The following MAPK11 variants were observed in gnomAD, a reference collection of about 807,000 sequenced individuals.
MAPK11 encodes the protein MAP kinase 11.
MAPK11 carries 44 observed loss-of-function variants against 52.2 expected under a neutral mutation model. That is an observed-to-expected ratio of 0.84 (90% confidence interval 0.66 to 1.08). The LOEUF is 1.08. Ranked by LOEUF, MAPK11 falls within the 50% of genes least tolerant of loss-of-function variation. The pLI is 0.00. For missense variants in MAPK11, 436 were observed against 494.7 expected, an observed-to-expected ratio of 0.88 and a Z score of 1.13; for synonymous variants, 233 against 206.3, an observed-to-expected ratio of 1.13 and a Z score of -1.11.
chr22:50,269,553 C>T (rs2065291598), intron 1 of MAPK11, among the ~76,000 whole-genome samples: 2 of 152,258 alleles, frequency 1.3e-5, no homozygotes, highest in South Asian at 4.1e-4. Context: ...CCCTCCAGCC[C>T]TGGCTACCCG....
At position 50,266,287 on chromosome 22, in the gene MAPK11, C is replaced by A. The variant is rs200495263; in HGVS notation, c.701G>T (p.Arg234Leu). ...GGGTGTGCCCACCACTTCCATGATG[C>A]GCTTCAGCTGGTCAATGTCTGTGTC... is the stretch of plus-strand genomic sequence containing the variant. ...PGSDYIDQLKRIMEVVGTPSP... is the reference protein window; with the variant it reads ...PGSDYIDQLKLIMEVVGTPSP... Residue 234 changes from arginine to leucine, a missense_variant, in exon 9 of 12, where the codon CGC becomes CTC. Transcript: ENST00000330651. 5 of 1,607,628 alleles carry A rather than the reference C, an allele frequency of 3.1e-6. No homozygotes were observed. Among genetic ancestry groups the A allele is most frequent in the Non-Finnish European group, 2.5e-6 (3 of 1,177,228 alleles).
rs2065253413 is a variant in MAPK11, at chr22:50,265,313, A to G, written c.1015+8T>C. On this transcript the variant is annotated splice_region_variant and intron_variant, in intron 11 of 11. Transcript: ENST00000330651. Reference sequence around the variant, plus strand: ...CCTGGACCCACCCCCAGCCACTGCCATGCTCACCCTTCCACTCCTCCAGCG... The same window carrying G: ...CCTGGACCCACCCCCAGCCACTGCCGTGCTCACCCTTCCACTCCTCCAGCG... 5.0e-6 allele frequency: 8 copies of G among 1,612,350 alleles called. No homozygotes were observed. Among genetic ancestry groups the G allele is most frequent in the Non-Finnish European group, 6.8e-6 (8 of 1,179,724 alleles).
At chr22:50,269,913 C>A (rs1478156658) in intron 1 of MAPK11, among the ~76,000 whole-genome samples, 1 of 152,062 alleles carries the variant, frequency 6.6e-6, no homozygotes, top group South Asian at 2.1e-4. Flanking sequence ...GCTGTGACCT[C>A]CCAGGCCTCA....
intron 1 of MAPK11, among the ~76,000 whole-genome samples, chr22:50,269,434 G>T (rs1232703027): frequency 6.6e-6 from 1 of 152,220 alleles, no homozygotes; most frequent in African/African-American, 2.4e-5. Context: ...AGCGGCATTG[G>T]CCATGGTGAG....
intron 1 of MAPK11, 38 bp from the exon 2 acceptor site, chr22:50,267,987 C>T: frequency 6.7e-7 from 1 of 1,499,276 alleles, no homozygotes; most frequent in Non-Finnish European, 8.9e-7. Flanking sequence ...CGGGAGGGGT[C>T]CGAGGGCGGC....
At chr22:50,268,762 G>GT (rs2065285963) in intron 1 of MAPK11, among the ~76,000 whole-genome samples, 1 of 152,224 alleles carries the variant, frequency 6.6e-6, no homozygotes, top group African/African-American at 2.4e-5. Flanking sequence ...CTCAGAGCAA[G>GT]TGGAGGCTGA....
Position 50,265,678 on chromosome 22 carries a change from C to G in MAPK11, c.763-18G>C, listed in dbSNP as rs745927752. The G allele has an allele frequency of 6.7e-7, 1 of 1,488,744 alleles. No individual in the cohort carries two copies. The highest frequency in any genetic ancestry group is 9.1e-7 in the Non-Finnish European group (1 of 1,094,544). 92.2% of individuals were successfully genotyped at this position (1,488,744 alleles called of 1,614,324 possible). A position where few individuals can be genotyped will look rare whatever the true frequency, so the allele number is the denominator to read the frequency against. On this transcript the variant is annotated intron_variant, in intron 9 of 11. Transcript: ENST00000330651. ...GTCCGGGCCTGGGGGCACACAAGAACACCTGGGGAGGCTGCTCACTCTCTG... is the reference window on the plus strand; with the variant it reads ...GTCCGGGCCTGGGGGCACACAAGAAGACCTGGGGAGGCTGCTCACTCTCTG...
intron 1 of MAPK11, among the ~76,000 whole-genome samples, chr22:50,268,316 C>T (rs1177205235): frequency 6.6e-6 from 1 of 152,234 alleles, no homozygotes; most frequent in Non-Finnish European, 1.5e-5. Flanking sequence ...CTGGCATTCA[C>T]CTGCAGCAGA....
chr22:50,266,672 C>T, intron 7 of MAPK11, 61 bp from the exon 8 acceptor site: 2 of 1,495,014 alleles, frequency 1.3e-6, no homozygotes, highest in African/African-American at 1.4e-5. Context: ...CTCCAGGAGA[C>T]CCACAGTCAC....
chr22:50,265,748 C>G, intron 9 of MAPK11, 88 bp from the exon 10 acceptor site: 1 of 791,536 alleles, frequency 1.3e-6, no homozygotes, highest in Non-Finnish European at 2.1e-6. Flanking sequence ...AGCCCCCAGA[C>G]TCATTCACTC....
intron 4 of MAPK11, 27 bp from the exon 5 acceptor site, chr22:50,267,313 C>T: frequency 6.3e-7 from 1 of 1,590,228 alleles, no homozygotes; most frequent in Non-Finnish European, 8.5e-7. Flanking sequence ...GTGGTGAGCG[C>T]CGGGCCCGGC....
Position 50,265,576 on chromosome 22 carries a change from C to T in MAPK11, c.841+6G>A, listed in dbSNP as rs201929434. ...GGAGCCCAGTCTAGCCCAGGGCAGT[C>T]CTCACCCAGGGGGTTGGCTCCACGG... On this transcript the variant is annotated splice_donor_region_variant and intron_variant, in intron 10 of 11. Transcript: ENST00000330651. The T allele has an allele frequency of 2.2e-5, 35 of 1,612,212 alleles. No individual in the cohort carries two copies. In the Middle Eastern group the frequency reaches 4.9e-4, roughly 23 times the overall value.
In MAPK11 at chr22:50,270,166, C is replaced by T; in HGVS notation, c.116+11G>A. The T allele has an allele frequency of 7.1e-7, 1 of 1,399,182 alleles. No individual in the cohort carries two copies. The highest frequency in any genetic ancestry group is 2.9e-5 in the East Asian group (1 of 34,284). 86.7% of individuals were successfully genotyped at this position (1,399,182 alleles called of 1,614,324 possible). A position where few individuals can be genotyped will look rare whatever the true frequency, so the allele number is the denominator to read the frequency against. On this transcript the variant is annotated intron_variant, in intron 1 of 11. Coordinates refer to ENST00000330651, the MANE Select transcript of MAPK11 (RefSeq NM_002751.7). This position sits in a 1 kb window ranked among gnomAD's most constrained non-coding sequence, Gnocchi z 6.3. ...GGCCCCCACCCAGCACCCCTTCTGC[C>T]CCGCCCCTACCAGACGGAGCCGTAG...
Position 50,264,676 on chromosome 22 carries a change from C to A in MAPK11, c.*272G>T. 2.6e-6 allele frequency: 1 copy of A among 384,380 alleles called. No homozygotes were observed. Among genetic ancestry groups the A allele is most frequent in the Non-Finnish European group, 4.8e-6 (1 of 208,572 alleles). 23.8% of individuals were successfully genotyped at this position (384,380 alleles called of 1,614,324 possible). A position where few individuals can be genotyped will look rare whatever the true frequency, so the allele number is the denominator to read the frequency against. ...GGCATCTAGGACCCCACAGTCAGGTCCCAGTGGAGAGTGCAGTAGCCAGAA... is the reference window on the plus strand; with the variant it reads ...GGCATCTAGGACCCCACAGTCAGGTACCAGTGGAGAGTGCAGTAGCCAGAA... On this transcript the variant is annotated 3_prime_UTR_variant, in exon 12 of 12. Transcript: ENST00000330651.
chr22:50,267,511 G>GGCCCCACC (rs35494257), intron 3 of MAPK11, 29 bp from the exon 4 acceptor site: 3 of 1,577,314 alleles, frequency 1.9e-6, no homozygotes, highest in East Asian at 2.3e-5. Context: ...GTCAGGACAG[G>GGCCCCACC]GCCCCACCGC....
chr22:50,268,057 T>TG, intron 1 of MAPK11, 108 bp from the exon 2 acceptor site: 1 of 1,137,694 alleles, frequency 8.8e-7, no homozygotes, highest in Non-Finnish European at 1.2e-6. Context: ...GATGGGGCCG[T>TG]GGGGCTTTTC....
At chr22:50,267,988 C>T (rs1267179108) in intron 1 of MAPK11, 39 bp from the exon 2 acceptor site, 1 of 1,494,526 alleles carries the variant, frequency 6.7e-7, no homozygotes, top group Non-Finnish European at 8.9e-7. Flanking sequence ...GGGAGGGGTC[C>T]GAGGGCGGCC....
intron 6 of MAPK11, 35 bp from the exon 7 acceptor site, chr22:50,267,083 C>T: frequency 1.2e-6 from 2 of 1,611,088 alleles, no homozygotes; most frequent in Non-Finnish European, 1.7e-6. Context: ...AAGCTCCGCA[C>T]GGGCTCCGCC....
chr22:50,267,662 AC>A, intron 2 of MAPK11, 35 bp from the exon 3 acceptor site: 4 of 1,507,286 alleles, frequency 2.7e-6, no homozygotes, highest in Non-Finnish European at 1.8e-6. Context: ...CGGGCGACGA[AC>A]CCCCGGCTGT....
Sources: allele counts gnomAD v4.1 joint callset (sites outside exome capture counted in the v4.1 genomes callset), GRCh38; gene constraint gnomAD v4.1.1; non-coding constraint Gnocchi (gnomAD v3.1); transcripts MANE v1.5; gene names NCBI Gene and HGNC (gene_info 2026-07-23, HGNC 2026-07-21).